The following TENM3 variants were observed in gnomAD, a reference collection of about 807,000 sequenced individuals.
TENM3 encodes teneurin transmembrane protein 3, also known as teneurin-3.
TENM3 carries 63 observed loss-of-function variants against 255.1 expected under a neutral mutation model. That is an observed-to-expected ratio of 0.25 (90% CI 0.20 to 0.30). The LOEUF (loss-of-function observed/expected upper bound fraction) is 0.30, where lower values mean the gene tolerates loss of function less well. TENM3 is among the 10% of genes least tolerant of loss of function. The pLI, the probability that TENM3 is intolerant of heterozygous loss-of-function variation, is 1.00. For synonymous variants in TENM3, 1,306 were observed against 1,322.3 expected, an observed-to-expected ratio of 0.99 and a Z score of 0.27; for missense variants, 2,929 against 3,461.1, an observed-to-expected ratio of 0.85 and a Z score of 3.86.
At chr4:182,061,636 T>TAA in the TENM3 span, among the ~76,000 whole-genome samples, 4 of 152,184 alleles carry the variant, frequency 2.6e-5, no homozygotes, top group Admixed American at 2.0e-4. Flanking sequence ...CTGCCTTACT[T>TAA]ACAATTAAGC....
chr4:182,197,641 T>C (rs1043224805), intron 1 of TENM3, among the ~76,000 whole-genome samples: 10 of 152,064 alleles, frequency 6.6e-5, no homozygotes, highest in African/African-American at 9.7e-5. Context: ...AAGAGCAAAG[T>C]GTCTTTTGCA....
the TENM3 span, among the ~76,000 whole-genome samples, chr4:182,068,964 C>A: frequency 6.6e-6 from 1 of 151,892 alleles, no homozygotes; most frequent in Non-Finnish European, 1.5e-5. Context: ...TTTAGAGAAG[C>A]TTCCACATGG....
At chr4:181,942,060 C>T in the TENM3 span, among the ~76,000 whole-genome samples, 2 of 152,248 alleles carry the variant, frequency 1.3e-5, no homozygotes, top group African/African-American at 2.4e-5. Flanking sequence ...TGCTTTCGGC[C>T]GTGATCTTGG....
intron 3 of TENM3, among the ~76,000 whole-genome samples, chr4:182,591,833 G>A (rs1176078597): frequency 1.3e-5 from 2 of 152,060 alleles, no homozygotes; most frequent in African/African-American, 4.8e-5. Context: ...GAATATTTGA[G>A]GGGCTGGATT....
the TENM3 span, among the ~76,000 whole-genome samples, chr4:181,617,156 G>C: frequency 2.6e-5 from 4 of 152,174 alleles, no homozygotes; most frequent in African/African-American, 9.6e-5. Flanking sequence ...ACAGATAATA[G>C]ATGGTCCAGT....
intron 1 of TENM3, among the ~76,000 whole-genome samples, chr4:182,320,353 T>C (rs376755617): frequency 6.6e-6 from 1 of 152,192 alleles, no homozygotes; most frequent in Non-Finnish European, 1.5e-5. Flanking sequence ...ACCTCTGCGG[T>C]CCAGAGAAGA....
At chr4:181,840,493 T>C in the TENM3 span, among the ~76,000 whole-genome samples, 14 of 152,154 alleles carry the variant, frequency 9.2e-5, no homozygotes, top group African/African-American at 3.4e-4. Context: ...CTAAATACTA[T>C]TTTGAGGTTT....
chr4:182,291,718 A>G (rs1408886755), intron 1 of TENM3, among the ~76,000 whole-genome samples: 1 of 152,096 alleles, frequency 6.6e-6, no homozygotes, highest in South Asian at 2.1e-4. Context: ...GTCCCTCCTC[A>G]TGGTGTCTTC....
chr4:181,849,141 G>A, the TENM3 span, among the ~76,000 whole-genome samples: 282 of 152,332 alleles, frequency 1.9e-3, 2 homozygotes, highest in African/African-American at 6.4e-3. Context: ...TGGTAACACA[G>A]TCATAAGTAA....
intron 1 of TENM3, among the ~76,000 whole-genome samples, chr4:182,175,325 A>AT (rs1752409585): frequency 6.8e-6 from 1 of 147,070 alleles, no homozygotes; most frequent in Non-Finnish European, 1.5e-5. Context: ...ATATATATAT[A>AT]TATATATATA....
the TENM3 span, among the ~76,000 whole-genome samples, chr4:181,779,806 G>A: frequency 6.6e-6 from 1 of 151,984 alleles, no homozygotes; most frequent in East Asian, 1.9e-4. Context: ...CCCCACGACA[G>A]GCCCCAGTGT....
chr4:181,603,724 A>G, the TENM3 span, among the ~76,000 whole-genome samples: 2 of 152,214 alleles, frequency 1.3e-5, no homozygotes, highest in African/African-American at 4.8e-5. Flanking sequence ...TAAAGACATA[A>G]TCCCTGCCTT....
At chr4:182,325,894 C>CA (rs1554049636) in intron 2 of TENM3, among the ~76,000 whole-genome samples, 1 of 152,186 alleles carries the variant, frequency 6.6e-6, no homozygotes, top group Non-Finnish European at 1.5e-5. Context: ...GCAGCACAGA[C>CA]GATGCCTACA....
chr4:181,606,423 G>T, the TENM3 span, among the ~76,000 whole-genome samples: 1 of 152,086 alleles, frequency 6.6e-6, no homozygotes, highest in Non-Finnish European at 1.5e-5. Context: ...TCTTCTCTTT[G>T]CTGAGAATGC....
the TENM3 span, among the ~76,000 whole-genome samples, chr4:181,763,602 C>A: frequency 2.6e-5 from 4 of 152,168 alleles, 1 homozygote; most frequent in South Asian, 8.3e-4. Flanking sequence ...ACACCTATCA[C>A]TTAATTATCT....
intron 3 of TENM3, among the ~76,000 whole-genome samples, chr4:182,556,003 GT>G (rs1742547246): frequency 2.0e-5 from 3 of 151,732 alleles, no homozygotes; most frequent in Non-Finnish European, 2.9e-5. Flanking sequence ...TACTTTTTTT[GT>G]TGTTTAGTCT....
At chr4:181,631,145 A>T in the TENM3 span, among the ~76,000 whole-genome samples, 1 of 152,122 alleles carries the variant, frequency 6.6e-6, no homozygotes, top group Non-Finnish European at 1.5e-5. Flanking sequence ...TTGTCGTTGT[A>T]GGACCTCAGT....
intron 5 of TENM3, among the ~76,000 whole-genome samples, chr4:182,641,696 T>A (rs904984854): frequency 6.6e-6 from 1 of 152,124 alleles, no homozygotes; most frequent in African/African-American, 2.4e-5. Context: ...CTGGCTAATT[T>A]TTGTGATTGT....
chr4:181,947,441 C>T, the TENM3 span, among the ~76,000 whole-genome samples: 6 of 152,180 alleles, frequency 3.9e-5, no homozygotes, highest in South Asian at 2.1e-4. Flanking sequence ...CCTATGTGAG[C>T]GCTGGTATTT....
Sources: allele counts gnomAD v4.1 joint callset (sites outside exome capture counted in the v4.1 genomes callset), GRCh38; gene constraint gnomAD v4.1.1; transcripts MANE v1.5; gene names NCBI Gene and HGNC (gene_info 2026-07-23, HGNC 2026-07-21).